The following MALRD1 variants were observed in gnomAD, a reference collection of about 807,000 sequenced individuals.
MALRD1 encodes MAM and LDL receptor class A domain containing 1.
In MALRD1, 247 loss-of-function variants were observed where a neutral mutation model predicts 242.1. The ratio of observed to expected loss-of-function variants is 1.02; its 90% confidence interval spans 0.92 to 1.13. The LOEUF is 1.13. Ranked by LOEUF, MALRD1 falls within the 50% of genes most tolerant of loss-of-function variation. The pLI is 0.00. For missense variants in MALRD1, 2,989 were observed against 2,533.1 expected, an observed-to-expected ratio of 1.18 and a Z score of -3.86; for synonymous variants, 995 against 866.6, an observed-to-expected ratio of 1.15 and a Z score of -2.60.
In MALRD1 at chr10:19,354,504, A is replaced by G. The variant is rs147038934; in HGVS notation, c.4441+2207A>G. 2.2e-3 allele frequency among the ~76,000 whole-genome samples: 341 copies of G among 152,182 alleles called. 9 individuals are homozygous for G. The East Asian group carries it at 0.057, about 25-fold the overall frequency. On this transcript the variant is annotated intron_variant, in intron 26 of 39. Transcript: ENST00000454679. Reference sequence around the variant, plus strand: ...AACTGTATTTTTGTACCCATTAACCAACCTCTCTTTATCTCCCCATCCCCA... The same window carrying G: ...AACTGTATTTTTGTACCCATTAACCGACCTCTCTTTATCTCCCCATCCCCA...
At chr10:19,532,268 AG>A (rs1270990060) in intron 32 of MALRD1, among the ~76,000 whole-genome samples, 1 of 152,106 alleles carries the variant, frequency 6.6e-6, no homozygotes, top group Non-Finnish European at 1.5e-5. Context: ...GGTGGGGGGC[AG>A]GGAGAGACAG....
chr10:19,402,447 G>A (rs956169057), intron 28 of MALRD1, among the ~76,000 whole-genome samples: 10 of 151,980 alleles, frequency 6.6e-5, no homozygotes, highest in Admixed American at 2.6e-4. Flanking sequence ...TTTATAAATC[G>A]GAGCACAAGC....
At chr10:19,334,119 GTTTT>G (rs56931838) in intron 24 of MALRD1, among the ~76,000 whole-genome samples, 12 of 66,780 alleles carry the variant, frequency 1.8e-4, no homozygotes, top group African/African-American at 6.1e-4. Flanking sequence ...CTGTTGGTAG[GTTTT>G]TTTTTTTTTT....
chr10:19,515,060 G>T (rs1833566031), intron 31 of MALRD1, among the ~76,000 whole-genome samples: 3 of 150,016 alleles, frequency 2.0e-5, no homozygotes. Context: ...TTTTGAAACA[G>T]CCATTTCTTA....
At chr10:19,578,875 A>G (rs898658340) in intron 33 of MALRD1, among the ~76,000 whole-genome samples, 1 of 152,062 alleles carries the variant, frequency 6.6e-6, no homozygotes, top group Non-Finnish European at 1.5e-5. Flanking sequence ...TTTAGCTTAC[A>G]TCTTCGTACT....
intron 26 of MALRD1, among the ~76,000 whole-genome samples, chr10:19,384,657 A>ATATTTACTATATATTAT (rs1846001639): frequency 3.0e-5 from 4 of 134,500 alleles, no homozygotes; most frequent in African/African-American, 1.1e-4. Context: ...ATATAATATA[A>ATATTTACTATATATTAT]TATTTACTAT....
chr10:19,139,354 C>T (rs908859610), intron 10 of MALRD1, among the ~76,000 whole-genome samples: 6 of 152,132 alleles, frequency 3.9e-5, no homozygotes, highest in Admixed American at 3.9e-4. Flanking sequence ...TTGTATCTTA[C>T]AAATTTGAAT....
intron 27 of MALRD1, 46 bp downstream of exon 27, chr10:19,387,819 T>G (rs1163821863): frequency 1.3e-6 from 2 of 1,520,306 alleles, no homozygotes; most frequent in African/African-American, 1.4e-5. Flanking sequence ...ATTTTCACAA[T>G]GTACATCAAA....
intron 36 of MALRD1, among the ~76,000 whole-genome samples, chr10:19,663,424 C>T (rs529424233): frequency 7.9e-5 from 12 of 152,024 alleles, no homozygotes; most frequent in Non-Finnish European, 1.5e-4. Context: ...TCCAGTCCTC[C>T]ACTGAAAGAC....
intron 26 of MALRD1, among the ~76,000 whole-genome samples, chr10:19,373,203 CA>C (rs374095193): frequency 0.028 from 3,184 of 114,856 alleles, 100 homozygotes; most frequent in African/African-American, 0.071. Context: ...ACGCTAAATA[CA>C]AAAAAAAAAA....
At chr10:19,635,871 A>C (rs2131664519) in intron 36 of MALRD1, among the ~76,000 whole-genome samples, 1 of 152,126 alleles carries the variant, frequency 6.6e-6, no homozygotes, top group Admixed American at 6.6e-5. Flanking sequence ...AAAATAAAAT[A>C]TTTAATTTTT....
intron 33 of MALRD1, among the ~76,000 whole-genome samples, chr10:19,593,480 C>T (rs1046967567): frequency 3.3e-5 from 5 of 152,162 alleles, no homozygotes; most frequent in African/African-American, 1.2e-4. Flanking sequence ...TATTCTCATA[C>T]AACCCATAAA....
At chr10:19,172,163 A>G (rs562755246) in intron 13 of MALRD1, among the ~76,000 whole-genome samples, 80 of 146,172 alleles carry the variant, frequency 5.5e-4, no homozygotes, top group African/African-American at 1.5e-3. Flanking sequence ...ATATATACAC[A>G]TATATACACA....
chr10:19,685,535 A>T (rs973037585), intron 36 of MALRD1, among the ~76,000 whole-genome samples: 7 of 152,196 alleles, frequency 4.6e-5, no homozygotes, highest in Admixed American at 1.3e-4. Flanking sequence ...ACTGGCTCAA[A>T]TGATACAGGA....
chr10:19,194,859 G>A (rs1357522763), intron 14 of MALRD1, among the ~76,000 whole-genome samples: 3 of 152,122 alleles, frequency 2.0e-5, no homozygotes, highest in Admixed American at 6.6e-5. Flanking sequence ...ACATCTAAAA[G>A]TCAATTCTTA....
chr10:19,481,546 A>T (rs1228633340), intron 29 of MALRD1, among the ~76,000 whole-genome samples: 1 of 152,166 alleles, frequency 6.6e-6, no homozygotes, highest in Non-Finnish European at 1.5e-5. Context: ...TCATCTGTGA[A>T]GAGACATTTG....
At chr10:19,673,185 A>G (rs894430031) in intron 36 of MALRD1, among the ~76,000 whole-genome samples, 1 of 152,122 alleles carries the variant, frequency 6.6e-6, no homozygotes, top group Non-Finnish European at 1.5e-5. Context: ...GATCGAGACC[A>G]TCCTGGCTAA....
Position 19,136,664 on chromosome 10 carries a change from A to C in MALRD1, c.1294A>C (p.Lys432Gln). 1 of 1,231,648 alleles carries C rather than the reference A, an allele frequency of 8.1e-7. No homozygotes were observed. Among genetic ancestry groups the C allele is most frequent in the Non-Finnish European group, 1.0e-6 (1 of 987,960 alleles). The allele number at this position is 1,231,648 out of a possible 1,614,324, so 76.3% of individuals were successfully genotyped here. A position where few individuals can be genotyped will look rare whatever the true frequency, so the allele number is the denominator to read the frequency against. Residue 432 changes from lysine (K) to glutamine (Q), a missense_variant, in exon 10 of 40, where the codon AAG becomes CAG. Coordinates refer to ENST00000454679, the MANE Select transcript of MALRD1 (RefSeq NM_001142308.3). ...VYACGQTQSR[K>Q]LCSADEFPCT... ...TGCCTGTGGACAGACCCAATCCAGA[A>C]AGCTTTGCTCTGCAGACGAATTCCC...
chr10:19,171,643 CACACAT>C (rs1192691497), intron 13 of MALRD1, among the ~76,000 whole-genome samples: 16 of 137,758 alleles, frequency 1.2e-4, no homozygotes, highest in African/African-American at 3.4e-4. Context: ...TAAATACACA[CACACAT>C]ATATATGTCT....
Sources: allele counts gnomAD v4.1 joint callset (sites outside exome capture counted in the v4.1 genomes callset), GRCh38; gene constraint gnomAD v4.1.1; transcripts MANE v1.5; gene names NCBI Gene and HGNC (gene_info 2026-07-23, HGNC 2026-07-21).